The following MACF1 variants were observed in gnomAD, a reference collection of about 807,000 sequenced individuals.
MACF1 encodes microtubule actin crosslinking factor 1.
A neutral mutation model predicts 854.8 loss-of-function variants in MACF1; 193 were observed. The ratio of observed to expected loss-of-function variants is 0.23; its 90% CI spans 0.20 to 0.25. The LOEUF is 0.25. MACF1 is among the 10% of genes least tolerant of loss of function. MACF1 has a pLI of 1.00. For synonymous variants in MACF1, 3,185 were observed against 3,226.7 expected (o/e 0.99, Z 0.44); for missense variants, 7,722 against 8,929.1 (o/e 0.86, Z 5.45).
chr1:39,341,670 C>T (rs1199807543), intron 40 of MACF1, among the ~76,000 whole-genome samples: 1 of 151,884 alleles, frequency 6.6e-6, no homozygotes, highest in East Asian at 1.9e-4. Flanking sequence ...TGCACTCCAG[C>T]TTGGGCAACA....
chr1:39,333,195 G>A lies in MACF1; in HGVS notation c.6607G>A (p.Val2203Ile). ...CCAAAGCAAAAAGTTACAAGTTCAG[G>A]TAAAGAAAACTCTAGGTATAAAGTT... ...KPQSKKLQVQ[V>I]KKTLGIKLEL... Residue 2203 changes from valine (V) to isoleucine (I), a missense_variant, in exon 37 of 101, where the codon GTA becomes ATA. By Grantham distance (29) the Val-to-Ile change is conservative. Coordinates refer to ENST00000564288, the MANE Select transcript of MACF1 (RefSeq NM_001394062.1). The A allele has an allele frequency of 6.2e-7, 1 of 1,612,568 alleles. No individual in the cohort carries two copies. Among genetic ancestry groups the A allele is most frequent in the Non-Finnish European group, 8.5e-7 (1 of 1,179,718 alleles).
At position 39,335,378 on chromosome 1, in the gene MACF1, AGATTC is replaced by A. The variant is rs1456694559; in HGVS notation, c.8791_8795del (p.Asp2931Ter). Reference sequence around the variant, plus strand: ...ATATGAAGCAGTCTACCTCATGTCTAGATTCTGAAGAAATAAGAGAAAATCAAGGG... The same window carrying A: ...ATATGAAGCAGTCTACCTCATGTCTATGAAGAAATAAGAGAAAATCAAGGG... On this transcript the variant is annotated frameshift_variant, in exon 37 of 101. Transcript: ENST00000564288. LOFTEE classifies it high-confidence loss of function. 3 of 1,614,012 alleles carry A rather than the reference AGATTC, an allele frequency of 1.9e-6. No homozygotes were observed. Among genetic ancestry groups the A allele is most frequent in the South Asian group, 2.2e-5 (2 of 91,078 alleles).
At chr1:39,315,001 C>T (rs527262910) in intron 26 of MACF1, among the ~76,000 whole-genome samples, 3 of 152,104 alleles carry the variant, frequency 2.0e-5, no homozygotes, top group Non-Finnish European at 4.4e-5. Context: ...ATTTGAGAGC[C>T]ACCCTTAAAT....
intron 2 of MACF1, among the ~76,000 whole-genome samples, chr1:39,183,581 T>A (rs1015461078): frequency 6.6e-6 from 1 of 152,228 alleles, no homozygotes. Flanking sequence ...GAATACATGA[T>A]GGCACTTTAT....
chr1:39,253,966 C>T (rs1275291615), intron 4 of MACF1, among the ~76,000 whole-genome samples: 1 of 152,228 alleles, frequency 6.6e-6, no homozygotes, highest in Admixed American at 6.5e-5. Context: ...AGTCTGTTCC[C>T]ATTAACCTCA....
chr1:39,377,421 G>C (rs57609350), intron 52 of MACF1, among the ~76,000 whole-genome samples: 3,706 of 152,222 alleles, frequency 0.024, 118 homozygotes, highest in East Asian at 0.17. Flanking sequence ...TCAGATTTCT[G>C]TATAATATTT....
chr1:39,386,847 G>A (rs898511810), intron 57 of MACF1, among the ~76,000 whole-genome samples: 38 of 152,364 alleles, frequency 2.5e-4, no homozygotes, highest in African/African-American at 8.7e-4. Context: ...TTACAGGCAT[G>A]AGCCACTGCA....
chr1:39,459,719 A>G (rs1644514043), intron 91 of MACF1: 1 of 657,584 alleles, frequency 1.5e-6, no homozygotes, highest in Non-Finnish European at 2.3e-6. Context: ...TCTATTTTGA[A>G]GTGTCATTAC....
At chr1:39,385,973 A>G in intron 57 of MACF1, 44 bp downstream of exon 57, 1 of 1,551,264 alleles carries the variant, frequency 6.4e-7, no homozygotes, top group Non-Finnish European at 8.7e-7. Flanking sequence ...ATTAGAGGCA[A>G]GCAGAAAGAA....
At chr1:39,477,684 G>A (rs1156650534) in intron 97 of MACF1, among the ~76,000 whole-genome samples, 2 of 152,060 alleles carry the variant, frequency 1.3e-5, no homozygotes, top group Non-Finnish European at 2.9e-5. Flanking sequence ...GAATGTCTTG[G>A]GGGTCGGGGG....
At chr1:39,095,561 C>CAAAAAAAA (rs34021324) in intron 2 of MACF1, among the ~76,000 whole-genome samples, 2 of 55,856 alleles carry the variant, frequency 3.6e-5, no homozygotes, top group African/African-American at 8.1e-5. Flanking sequence ...GACTCTGTCT[C>CAAAAAAAA]AAAAAAAAAA....
At chr1:39,131,151 CTTTTTTT>C (rs34762038) in intron 2 of MACF1, among the ~76,000 whole-genome samples, 4 of 42,382 alleles carry the variant, frequency 9.4e-5, no homozygotes, top group East Asian at 9.8e-4. Context: ...TGCGCCCGGC[CTTTTTTT>C]TTTTTTTTTT....
At position 39,437,879 on chromosome 1, in the gene MACF1, T is replaced by C; in HGVS notation, c.18091T>C (p.Cys6031Arg). The change falls in exon 71 of 101, where the codon TGC becomes CGC. Residue 6031 changes from cysteine (C) to arginine (R), a missense_variant. Physicochemically the swap from Cys to Arg is radical, Grantham distance 180. This residue lies in a region of MACF1 where 2,807 missense variants were observed against 3,235.8 expected (regional missense o/e 0.87). Coordinates refer to ENST00000564288, the MANE Select transcript of MACF1 (RefSeq NM_001394062.1). ...TGCTGAAGTAGACAAGATCAGAGAG[T>C]GCATCAGTGACAATAAGAGTGCCAC... ...IPAEVDKIRE[C>R]ISDNKSATVE... The C allele has an allele frequency of 6.2e-7, 1 of 1,613,978 alleles. No individual in the cohort carries two copies. Among genetic ancestry groups the C allele is most frequent in the East Asian group, 2.2e-5 (1 of 44,878 alleles).
chr1:39,092,007 C>T (rs942411033), intron 2 of MACF1, among the ~76,000 whole-genome samples: 2 of 152,206 alleles, frequency 1.3e-5, no homozygotes, highest in African/African-American at 4.8e-5. Context: ...GCAGCATGAA[C>T]TGAGCTACGT....
intron 58 of MACF1, among the ~76,000 whole-genome samples, chr1:39,420,361 A>T (rs1302141996): frequency 1.3e-5 from 2 of 152,132 alleles, no homozygotes; most frequent in African/African-American, 4.8e-5. Context: ...TAAACTTGGG[A>T]TGTTTTTCCT....
intron 97 of MACF1, among the ~76,000 whole-genome samples, chr1:39,477,102 C>CACAT (rs1644915593): frequency 8.9e-6 from 1 of 112,892 alleles, no homozygotes; most frequent in Non-Finnish European, 1.8e-5. Context: ...CACACACACA[C>CACAT]ATATATACAC....
At position 39,333,880 on chromosome 1, in the gene MACF1, T is replaced by G. The variant is rs746963270; in HGVS notation, c.7292T>G (p.Val2431Gly). Residue 2431 changes from valine to glycine, a missense_variant, in exon 37 of 101, where the codon GTG becomes GGG. By Grantham distance (109) the Val-to-Gly change is moderately radical. Transcript: ENST00000564288. Reference sequence around the variant, plus strand: ...ACTTTGGCCTCAACTCTTGGCTTGGTGGACGTTGCTGACCAGCCAGAACTT... The same window carrying G: ...ACTTTGGCCTCAACTCTTGGCTTGGGGGACGTTGCTGACCAGCCAGAACTT... The part of the protein sequence containing the change: ...SVTLASTLGL[V>G]DVADQPELIN... 6.2e-7 allele frequency: 1 copy of G among 1,614,170 alleles called. No homozygotes were observed. The highest frequency in any genetic ancestry group is 8.5e-7 in the Non-Finnish European group (1 of 1,180,018).
intron 92 of MACF1, among the ~76,000 whole-genome samples, chr1:39,461,493 TAAG>T (rs1417089926): frequency 6.6e-6 from 1 of 152,070 alleles, no homozygotes; most frequent in Non-Finnish European, 1.5e-5. Context: ...TTTTTGCTCT[TAAG>T]AAGTATTTCT....
intron 2 of MACF1, among the ~76,000 whole-genome samples, chr1:39,138,942 G>A (rs975717255): frequency 1.3e-5 from 2 of 152,174 alleles, no homozygotes; most frequent in African/African-American, 4.8e-5. Flanking sequence ...TGGGATTACA[G>A]GCGTAAGCCA....
Sources: allele counts gnomAD v4.1 joint callset (sites outside exome capture counted in the v4.1 genomes callset), GRCh38; gene constraint gnomAD v4.1.1; regional missense constraint gnomAD v4.1.1; transcripts MANE v1.5; gene names NCBI Gene and HGNC (gene_info 2026-07-23, HGNC 2026-07-21).